The following RBM33 variants were observed in gnomAD, a reference collection of about 807,000 sequenced individuals.
RBM33 encodes the protein RNA binding motif protein 33, also known as RNA-binding protein 33.
In RBM33, 28 loss-of-function variants were observed where a neutral mutation model predicts 132.6. The observed-to-expected ratio is 0.21, with a 90% CI of 0.16 to 0.29. RBM33 has a LOEUF of 0.29. RBM33 is among the 10% of genes least tolerant of loss of function. The pLI is 1.00. For missense variants in RBM33, 1,291 were observed against 1,518.5 expected (o/e 0.85, Z 2.49); for synonymous variants, 634 against 593.0 (o/e 1.07, Z -1.01).
chr7:155,683,411 G>A (rs537566499), intron 5 of RBM33, among the ~76,000 whole-genome samples: 31 of 152,282 alleles, frequency 2.0e-4, no homozygotes, highest in African/African-American at 7.2e-4. Context: ...TTGTATAACT[G>A]TGATTTTTGT....
intron 5 of RBM33, among the ~76,000 whole-genome samples, chr7:155,692,290 G>C (rs182507372): frequency 1.3e-5 from 2 of 152,226 alleles, no homozygotes; most frequent in Admixed American, 6.5e-5. Flanking sequence ...ATTCACTTGA[G>C]GGAGCGTTTT....
At chr7:155,704,852 C>A (rs927363842) in intron 6 of RBM33, among the ~76,000 whole-genome samples, 54 of 152,200 alleles carry the variant, frequency 3.5e-4, no homozygotes, top group Middle Eastern at 3.4e-3. Flanking sequence ...TCGGTAGTAA[C>A]AAACAATTCA....
chr7:155,759,759 C>T (rs1056807795), intron 14 of RBM33, among the ~76,000 whole-genome samples: 1 of 152,326 alleles, frequency 6.6e-6, no homozygotes, highest in Middle Eastern at 3.4e-3. Flanking sequence ...GTATACCTTA[C>T]AACATGCAAA....
At chr7:155,676,736 G>A (rs1018641318) in intron 3 of RBM33, among the ~76,000 whole-genome samples, 1 of 152,192 alleles carries the variant, frequency 6.6e-6, no homozygotes, top group Admixed American at 6.5e-5. Context: ...TCTTTAGGAT[G>A]TGTTGAAATC....
At chr7:155,711,561 A>C in intron 8 of RBM33, 106 bp downstream of exon 8, 2 of 633,272 alleles carry the variant, frequency 3.2e-6, no homozygotes, top group Non-Finnish European at 5.0e-6. Context: ...AGTGTGTGAA[A>C]GCAGTATGCG....
chr7:155,650,738 A>G (rs1386992361), intron 1 of RBM33, among the ~76,000 whole-genome samples: 1 of 152,128 alleles, frequency 6.6e-6, no homozygotes, highest in Non-Finnish European at 1.5e-5. Flanking sequence ...TTCCTGTATT[A>G]TTATTGATTT....
chr7:155,707,775 A>G (rs377744067), intron 7 of RBM33, among the ~76,000 whole-genome samples: 32 of 152,112 alleles, frequency 2.1e-4, no homozygotes, highest in Non-Finnish European at 3.7e-4. Context: ...TCCTGCCTCA[A>G]TCTCTTTAGT....
At position 155,739,703 on chromosome 7, in the gene RBM33, T is replaced by C; in HGVS notation, c.1738-12T>C. On this transcript the variant is annotated splice_polypyrimidine_tract_variant and intron_variant, in intron 11 of 17. Transcript: ENST00000401878. ...TTATGAACTGTTGTTTCTCTTTCTT[T>C]GGAAATGGAAGGGGCCGTTGCATCC... 4 of 1,537,578 alleles carry C rather than the reference T, an allele frequency of 2.6e-6. No homozygotes were observed. Among genetic ancestry groups the C allele is most frequent in the Non-Finnish European group, 2.6e-6 (3 of 1,139,824 alleles).
chr7:155,670,937 C>T lies in RBM33; in HGVS notation c.123-1930C>T, dbSNP rs183957263. On this transcript the variant is annotated intron_variant, in intron 2 of 17. Transcript: ENST00000401878. ...TTAAAGGTTGATTTATTTCCATGTA[C>T]TTGTCAGCAAGAGGCACAGATACTT... Among the ~76,000 whole-genome samples the T allele has an allele frequency of 1.7e-3, 258 of 152,300 alleles. 3 individuals carry two copies. Among genetic ancestry groups the T allele is most frequent in the Admixed American group, 0.015 (234 of 15,298 alleles).
intron 5 of RBM33, among the ~76,000 whole-genome samples, chr7:155,693,434 TTAAG>T (rs1208545775): frequency 6.6e-6 from 1 of 152,104 alleles, no homozygotes; most frequent in Non-Finnish European, 1.5e-5. Flanking sequence ...CTCATCCATA[TTAAG>T]TATTTTGTCT....
chr7:155,685,832 G>A (rs972266191), intron 5 of RBM33, among the ~76,000 whole-genome samples: 3 of 152,172 alleles, frequency 2.0e-5, no homozygotes, highest in Admixed American at 1.3e-4. Flanking sequence ...CTTTTGTCAG[G>A]AGGCCATGAA....
At chr7:155,752,986 G>A (rs1364433559) in intron 14 of RBM33, among the ~76,000 whole-genome samples, 3 of 152,078 alleles carry the variant, frequency 2.0e-5, no homozygotes, top group African/African-American at 7.2e-5. Context: ...TGTGTGTCCA[G>A]GATGTAAGGC....
rs528635679 is a variant in RBM33, at chr7:155,731,268, A to G, written c.1261-6262A>G. ...TAAAGAGTCCTGCTGCAGCAGCCGC[A>G]TGGCCAGTGCTGTGGTGCCCACCTT... On this transcript the variant is annotated intron_variant, in intron 9 of 17. Coordinates refer to ENST00000401878, the MANE Select transcript of RBM33 (RefSeq NM_053043.3). Among the ~76,000 whole-genome samples the G allele has an allele frequency of 3.3e-5, 5 of 152,336 alleles. No homozygotes were observed. In the East Asian group the frequency reaches 9.6e-4, roughly 29 times the overall value.
chr7:155,727,036 G>A lies in RBM33; in HGVS notation c.1260+8593G>A, dbSNP rs549609376. 4.6e-5 allele frequency among the ~76,000 whole-genome samples: 7 copies of A among 152,354 alleles called. No homozygotes were observed. The East Asian group carries it at 1.3e-3, about 29-fold the overall frequency. On this transcript the variant is annotated intron_variant, in intron 9 of 17. Coordinates refer to ENST00000401878, the MANE Select transcript of RBM33 (RefSeq NM_053043.3). ...AATATCAGCTGTGACATTTGGCTGA[G>A]TCAGGCTGTGAACCAGGCTGCGTTT...
At chr7:155,664,221 A>C (rs1798733205) in intron 1 of RBM33, among the ~76,000 whole-genome samples, 1 of 151,454 alleles carries the variant, frequency 6.6e-6, no homozygotes, top group Admixed American at 6.6e-5. Flanking sequence ...TATTGAGTAC[A>C]CATTATGACT....
intron 3 of RBM33, among the ~76,000 whole-genome samples, chr7:155,674,379 C>T (rs11768706): frequency 0.027 from 4,156 of 152,160 alleles, 72 homozygotes; most frequent in Middle Eastern, 0.037. Context: ...TAGGTGCTCT[C>T]ACTTGTATTT....
At chr7:155,699,947 G>A (rs1388501743) in intron 5 of RBM33, among the ~76,000 whole-genome samples, 1 of 152,124 alleles carries the variant, frequency 6.6e-6, no homozygotes, top group Admixed American at 6.5e-5. Context: ...CTTGCTCTCT[G>A]TAGGTACTTA....
At position 155,739,879 on chromosome 7, in the gene RBM33, G is replaced by C. The variant is rs896796816; in HGVS notation, c.1902G>C (p.Gln634His). The change falls in exon 12 of 18, where the codon CAG becomes CAC. Residue 634 changes from glutamine (Q) to histidine (H), a missense_variant. Coordinates refer to ENST00000401878, the MANE Select transcript of RBM33 (RefSeq NM_053043.3). Reference protein sequence around the residue: ...QHPPQHPPQHQHHHHHHHLSV... With the variant: ...QHPPQHPPQHHHHHHHHHLSV... ...CACCACAGCACCCGCCGCAGCACCA[G>C]CACCACCACCACCACCACCACCTGT... The C allele has an allele frequency of 5.8e-6, 8 of 1,386,456 alleles. No individual in the cohort carries two copies. Among genetic ancestry groups the C allele is most frequent in the South Asian group, 1.2e-5 (1 of 81,346 alleles). The allele number at this position is 1,386,456 out of a possible 1,614,324, so 85.9% of individuals were successfully genotyped here.
intron 9 of RBM33, among the ~76,000 whole-genome samples, chr7:155,724,806 A>G (rs1800733143): frequency 6.6e-6 from 1 of 152,156 alleles, no homozygotes; most frequent in Non-Finnish European, 1.5e-5. Context: ...GCTTTCCTGT[A>G]GTATAACGCG....
Sources: allele counts gnomAD v4.1 joint callset (sites outside exome capture counted in the v4.1 genomes callset), GRCh38; gene constraint gnomAD v4.1.1; transcripts MANE v1.5; gene names NCBI Gene and HGNC (gene_info 2026-07-23, HGNC 2026-07-21).